Variants in CAMK2D observed in about 807,000 individuals in gnomAD.
CAMK2D encodes calcium/calmodulin dependent protein kinase II delta.
Under a neutral mutation model 84.0 loss-of-function variants are expected in CAMK2D, and 37 were observed. The observed-to-expected ratio is 0.44, with a 90% CI of 0.34 to 0.58. The LOEUF is 0.58. CAMK2D is among the 20% of genes least tolerant of loss of function. The probability of loss-of-function intolerance (pLI) is 0.02; values close to 1 mark genes in which losing one functional copy is unlikely to be tolerated. For synonymous variants in CAMK2D, 202 were observed against 212.5 expected (o/e 0.95, Z 0.43); for missense variants, 448 against 652.5 (o/e 0.69, Z 3.41).
chr4:113,625,306 T>C (rs538745267), intron 3 of CAMK2D, among the ~76,000 whole-genome samples: 1 of 152,212 alleles, frequency 6.6e-6, no homozygotes, highest in African/African-American at 2.4e-5. Flanking sequence ...GCTCACAAAG[T>C]TTATGTGCAA....
intron 16 of CAMK2D, among the ~76,000 whole-genome samples, chr4:113,487,715 C>T (rs2097779145): frequency 6.6e-6 from 1 of 151,872 alleles, no homozygotes; most frequent in Non-Finnish European, 1.5e-5. Flanking sequence ...CATTTTTTCC[C>T]AGTTTTAATA....
chr4:113,697,542 C>A (rs1444232590), intron 2 of CAMK2D, among the ~76,000 whole-genome samples: 1 of 152,014 alleles, frequency 6.6e-6, no homozygotes, highest in Non-Finnish European at 1.5e-5. Flanking sequence ...AAACGCCTGG[C>A]CTACTATATA....
At chr4:113,470,428 G>A (rs577457671) in intron 16 of CAMK2D, among the ~76,000 whole-genome samples, 38 of 152,096 alleles carry the variant, frequency 2.5e-4, no homozygotes, top group Admixed American at 7.2e-4. Context: ...GGTGGATCAC[G>A]AGGTCAAGAG....
chr4:113,506,603 C>T (rs1461295816), intron 13 of CAMK2D, among the ~76,000 whole-genome samples: 3 of 152,166 alleles, frequency 2.0e-5, no homozygotes, highest in Non-Finnish European at 2.9e-5. Context: ...GGGATGCACA[C>T]ACGAATAATT....
chr4:113,751,570 G>T (rs2099617357), intron 2 of CAMK2D, among the ~76,000 whole-genome samples: 1 of 152,042 alleles, frequency 6.6e-6, no homozygotes, highest in Non-Finnish European at 1.5e-5. Context: ...CGGTGTTCGA[G>T]ACCAGCCTGA....
At chr4:113,489,647 G>A (rs1254214609) in intron 16 of CAMK2D, among the ~76,000 whole-genome samples, 23 of 149,606 alleles carry the variant, frequency 1.5e-4, no homozygotes, top group Non-Finnish European at 2.7e-4. Context: ...AGTCCTTTGG[G>A]TATACACCCA....
At chr4:113,752,350 T>C (rs2099619275) in intron 2 of CAMK2D, among the ~76,000 whole-genome samples, 1 of 152,108 alleles carries the variant, frequency 6.6e-6, no homozygotes, top group Non-Finnish European at 1.5e-5. Flanking sequence ...ATAAATATTA[T>C]ATCACAATAC....
intron 12 of CAMK2D, among the ~76,000 whole-genome samples, chr4:113,510,596 CAATT>C (rs1475951366): frequency 2.0e-5 from 3 of 151,958 alleles, no homozygotes; most frequent in African/African-American, 4.8e-5. Context: ...CTGTCAATGA[CAATT>C]AGTACACCAA....
intron 2 of CAMK2D, among the ~76,000 whole-genome samples, chr4:113,671,962 T>C (rs564279326): frequency 6.6e-6 from 1 of 152,338 alleles, no homozygotes; most frequent in Admixed American, 6.5e-5. Flanking sequence ...TTTTTATTTG[T>C]AATCTTTTCC....
rs550473491 is a variant in CAMK2D at position 113,601,610 on chromosome 4, A to C, written c.275+7542T>G. ...TTCCATTTTCTAAAAACAAACAAGA[A>C]ATTTAGTATAGTTATAGCATCAGGG... is the stretch of plus-strand genomic sequence containing the variant. On this transcript the variant is annotated intron_variant, in intron 4 of 20. Coordinates refer to ENST00000511664, the MANE Select transcript of CAMK2D (RefSeq NM_001321571.2). Among the ~76,000 whole-genome samples the C allele has an allele frequency of 1.5e-3, 224 of 151,626 alleles. 1 individual carries two copies. The highest frequency in any genetic ancestry group is 5.3e-3 in the African/African-American group (217 of 41,328).
intron 17 of CAMK2D, among the ~76,000 whole-genome samples, chr4:113,462,284 GTGTGTGTGTGTCTGTC>G (rs1178706164): frequency 1.7e-4 from 14 of 81,610 alleles, no homozygotes; most frequent in South Asian, 4.8e-4. Flanking sequence ...GTGTGTGTGT[GTGTGTGTGTGTCTGTC>G]TGTCTGTCTG....
At chr4:113,512,118 G>A (rs1050990447) in intron 12 of CAMK2D, among the ~76,000 whole-genome samples, 9 of 152,160 alleles carry the variant, frequency 5.9e-5, no homozygotes, top group Non-Finnish European at 1.2e-4. Flanking sequence ...TAGTATTTTT[G>A]GCTGACAAGT....
chr4:113,757,813 G>A (rs2099631946), intron 2 of CAMK2D, among the ~76,000 whole-genome samples: 1 of 152,112 alleles, frequency 6.6e-6, no homozygotes, highest in South Asian at 2.1e-4. Flanking sequence ...AGAGTAAAAT[G>A]TATGTGACCA....
chr4:113,484,771 C>T (rs974442547), intron 16 of CAMK2D, among the ~76,000 whole-genome samples: 47 of 152,042 alleles, frequency 3.1e-4, no homozygotes, highest in African/African-American at 9.9e-4. Context: ...AAAAGATAAG[C>T]TATTATCCTG....
chr4:113,689,931 G>A (rs2099380882), intron 2 of CAMK2D, among the ~76,000 whole-genome samples: 1 of 152,134 alleles, frequency 6.6e-6, no homozygotes, highest in Non-Finnish European at 1.5e-5. Flanking sequence ...CTAGAAAAGT[G>A]CCAAACACAT....
At chr4:113,551,937 TTTG>T (rs2098632361) in intron 5 of CAMK2D, 91 bp downstream of exon 5, 1 of 569,358 alleles carries the variant, frequency 1.8e-6, no homozygotes, top group African/African-American at 1.9e-5. Context: ...CCTTAAAACA[TTTG>T]TTTGTACAAA....
intron 4 of CAMK2D, among the ~76,000 whole-genome samples, chr4:113,567,663 C>A (rs1457260651): frequency 6.6e-6 from 1 of 152,166 alleles, no homozygotes; most frequent in African/African-American, 2.4e-5. Flanking sequence ...AAGTTAGTCA[C>A]CTTATGTTAG....
intron 8 of CAMK2D, among the ~76,000 whole-genome samples, chr4:113,526,798 T>C (rs993412257): frequency 1.3e-5 from 2 of 151,950 alleles, no homozygotes; most frequent in African/African-American, 4.8e-5. Context: ...TAATACATCA[T>C]AGGTTATTAA....
At chr4:113,558,460 G>C (rs2098680627) in intron 4 of CAMK2D, among the ~76,000 whole-genome samples, 1 of 152,176 alleles carries the variant, frequency 6.6e-6, no homozygotes, top group African/African-American at 2.4e-5. Flanking sequence ...GACAATGGCA[G>C]ATTCAACCAA....
Sources: allele counts gnomAD v4.1 joint callset (sites outside exome capture counted in the v4.1 genomes callset), GRCh38; gene constraint gnomAD v4.1.1; transcripts MANE v1.5; gene names NCBI Gene and HGNC (gene_info 2026-07-23, HGNC 2026-07-21).